Variants in NEDD9 observed in about 807,000 individuals in gnomAD.
NEDD9 encodes enhancer of filamentation 1.
NEDD9 carries 26 observed loss-of-function variants against 76.6 expected under a neutral mutation model. That is an observed-to-expected ratio of 0.34 (90% CI 0.25 to 0.47). NEDD9 has a LOEUF of 0.47. NEDD9 is among the 20% of genes least tolerant of loss of function. The probability of loss-of-function intolerance (pLI) is 1.00; values close to 1 mark genes in which losing one functional copy is unlikely to be tolerated. For synonymous variants in NEDD9, 392 were observed against 414.2 expected, an observed-to-expected ratio of 0.95 and a Z score of 0.65; for missense variants, 937 against 1,058.5, an observed-to-expected ratio of 0.89 and a Z score of 1.59.
chr6:11,220,388 A>T (rs1435875237), intron 1 of NEDD9, among the ~76,000 whole-genome samples: 1 of 152,138 alleles, frequency 6.6e-6, no homozygotes, highest in African/African-American at 2.4e-5. Context: ...AGCTTTGTGA[A>T]CTTTAGCTAT....
chr6:11,266,362 C>G (rs1760202117), intron 3 of NEDD9, among the ~76,000 whole-genome samples: 1 of 152,066 alleles, frequency 6.6e-6, no homozygotes. Flanking sequence ...CTAGTAGCAT[C>G]TGGGGATGCT....
intron 1 of NEDD9, among the ~76,000 whole-genome samples, chr6:11,368,539 C>G (rs1446163140): frequency 6.6e-6 from 1 of 152,208 alleles, no homozygotes; most frequent in Non-Finnish European, 1.5e-5. Flanking sequence ...CACCACGTAG[C>G]TCCATACGAA....
Position 11,209,970 on chromosome 6 carries a change from C to CTTTTTT in NEDD9, c.459+3305_459+3310dup, listed in dbSNP as rs752612102. 6.4e-3 allele frequency among the ~76,000 whole-genome samples: 835 copies of CTTTTTT among 131,122 alleles called. 9 individuals carry two copies. Among genetic ancestry groups the CTTTTTT allele is most frequent in the African/African-American group, 0.022 (788 of 36,396 alleles). The allele number at this position is 131,122 out of a possible 152,430, so 86.0% of individuals were successfully genotyped here. A position where few individuals can be genotyped will look rare whatever the true frequency, so the allele number is the denominator to read the frequency against. Reference sequence around the variant, plus strand: ...AGTGATAGAAGGCAGAATTCACTGTCTTTTTTTTTTCCTTAAGTGATTCAT... The same window carrying CTTTTTT: ...AGTGATAGAAGGCAGAATTCACTGTCTTTTTTTTTTTTTTTTCCTTAAGTGATTCAT... On this transcript the variant is annotated intron_variant, in intron 2 of 6. Coordinates refer to ENST00000379446, the MANE Select transcript of NEDD9 (RefSeq NM_006403.4).
At chr6:11,317,694 A>G (rs180796884) in intron 2 of NEDD9, among the ~76,000 whole-genome samples, 92 of 152,274 alleles carry the variant, frequency 6.0e-4, no homozygotes, top group African/African-American at 2.1e-3. Flanking sequence ...CTTTCTAGAA[A>G]CTTGGCTGTA....
At chr6:11,362,698 A>G (rs1045170730) in intron 1 of NEDD9, among the ~76,000 whole-genome samples, 2 of 152,174 alleles carry the variant, frequency 1.3e-5, no homozygotes, top group African/African-American at 4.8e-5. Context: ...ATAGTCACCT[A>G]CTCACTTGGG....
At position 11,185,256 on chromosome 6, in the gene NEDD9, G is replaced by C. The variant is rs1188534767; in HGVS notation, c.2411C>G (p.Thr804Ser). Reference sequence around the variant, plus strand: ...GTGCACCATTTCCTGCAGGGCCGTGGTGCTGGGGTAATGGAGGGCGGCCAT... The same window carrying C: ...GTGCACCATTTCCTGCAGGGCCGTGCTGCTGGGGTAATGGAGGGCGGCCAT... ...TKMAALHYPS[T>S]TALQEMVHQV... The change falls in exon 7 of 7, where the codon ACC (threonine) becomes AGC (serine). Residue 804 changes from threonine (T) to serine (S), a missense_variant. Physicochemically the swap from Thr to Ser is moderately conservative, Grantham distance 58. Coordinates refer to ENST00000379446, the MANE Select transcript of NEDD9 (RefSeq NM_006403.4). The C allele has an allele frequency of 6.2e-7, 1 of 1,614,164 alleles. No homozygotes were observed. Among genetic ancestry groups the C allele is most frequent in the Admixed American group, 1.7e-5 (1 of 60,014 alleles).
chr6:11,298,849 C>A (rs1410281448), intron 3 of NEDD9, among the ~76,000 whole-genome samples: 1 of 152,148 alleles, frequency 6.6e-6, no homozygotes, highest in Non-Finnish European at 1.5e-5. Flanking sequence ...GACCTTAAAA[C>A]ATCACAGTAA....
In NEDD9 at chr6:11,190,554, C is replaced by T. The variant is rs138373196; in HGVS notation, c.1315G>A (p.Gly439Arg). 53 of 1,614,046 alleles carry T rather than the reference C, an allele frequency of 3.3e-5. No homozygotes were observed. The highest frequency in any genetic ancestry group is 1.6e-4 in the Middle Eastern group (1 of 6,084). The change falls in exon 5 of 7, where the codon GGA (glycine) becomes AGA (arginine). Residue 439 changes from glycine (G) to arginine (R), a missense_variant. Physicochemically the swap from Gly to Arg is moderately radical, Grantham distance 125. Transcript: ENST00000379446. This position sits in a 1 kb window ranked among gnomAD's most constrained non-coding sequence, Gnocchi z 5.8. ...ALVTTDWRCY[G>R]YMERHINEIR... is the part of the protein sequence containing the mutation. Reference sequence around the variant, plus strand: ...TCATTGATGTGTCTTTCCATATATCCGTAACACCGCCAGTCGGTAGTGACC... The same window carrying T: ...TCATTGATGTGTCTTTCCATATATCTGTAACACCGCCAGTCGGTAGTGACC...
chr6:11,213,277 T>C lies in NEDD9; in HGVS notation c.459+4A>G. The C allele has an allele frequency of 6.3e-7, 1 of 1,583,168 alleles. No individual in the cohort carries two copies. The highest frequency in any genetic ancestry group is 2.3e-5 in the East Asian group (1 of 44,328). ...AACAAAAATTTAGTTAGTCATTTAC[T>C]CACCTTTTTACCCACGTGGGGCCCA... On this transcript the variant is annotated splice_donor_region_variant and intron_variant, in intron 2 of 6. Coordinates refer to ENST00000379446, the MANE Select transcript of NEDD9 (RefSeq NM_006403.4). The surrounding 1 kb of genome is among the most constrained non-coding windows in gnomAD (Gnocchi z 5.4).
rs961046275 is a variant in NEDD9, at chr6:11,228,515, G to C, written c.12+3989C>G. On this transcript the variant is annotated intron_variant, in intron 1 of 6. Coordinates refer to ENST00000379446, the MANE Select transcript of NEDD9 (RefSeq NM_006403.4). ...ACTGCACTCCAGCCTGGGCGACAGAGTGAGACTTGATCTCAAAAAAAGAAA... is the reference window on the plus strand; with the variant it reads ...ACTGCACTCCAGCCTGGGCGACAGACTGAGACTTGATCTCAAAAAAAGAAA... Among the ~76,000 whole-genome samples, 3 of 151,966 alleles carry C rather than the reference G, an allele frequency of 2.0e-5. No homozygotes were observed. The East Asian group carries it at 5.8e-4, about 29-fold the overall frequency.
At chr6:11,208,117 G>A (rs139976842) in intron 2 of NEDD9, among the ~76,000 whole-genome samples, 66 of 151,270 alleles carry the variant, frequency 4.4e-4, no homozygotes, top group Non-Finnish European at 7.7e-4. Context: ...GCCAGAAGTT[G>A]CAGTGAGCCG....
rs191733341 is a variant in NEDD9, at chr6:11,238,956, T to C, written c.13-25229A>G. Among the ~76,000 whole-genome samples the C allele has an allele frequency of 5.4e-4, 82 of 152,202 alleles. 2 individuals carry two copies. Among genetic ancestry groups the C allele is most frequent in the African/African-American group, 1.7e-3 (69 of 41,522 alleles). Reference sequence around the variant, plus strand: ...AGGAGGATTGCTTGAGCCCAGGAGTTTGAGACCAGCCTGGGCAATATAGCA... The same window carrying C: ...AGGAGGATTGCTTGAGCCCAGGAGTCTGAGACCAGCCTGGGCAATATAGCA... On this transcript the variant is annotated intron_variant, in intron 3 of 3. Coordinates refer to the NEDD9 transcript ENST00000397378.
intron 2 of NEDD9, among the ~76,000 whole-genome samples, chr6:11,319,767 T>A (rs1247966120): frequency 8.3e-6 from 1 of 120,034 alleles, no homozygotes; most frequent in East Asian, 3.3e-4. Context: ...CACACTAACA[T>A]GCACACTCAC....
chr6:11,258,132 T>A (rs1760041057), intron 3 of NEDD9, among the ~76,000 whole-genome samples: 1 of 152,178 alleles, frequency 6.6e-6, no homozygotes, highest in African/African-American at 2.4e-5. Flanking sequence ...AAACAGAAGG[T>A]AGAGAAACTC....
chr6:11,288,503 T>A (rs1427130654), intron 3 of NEDD9, among the ~76,000 whole-genome samples: 1 of 152,236 alleles, frequency 6.6e-6, no homozygotes, highest in Admixed American at 6.5e-5. Flanking sequence ...GATCTTAGAA[T>A]GCTGCTGTCA....
At chr6:11,346,268 G>A (rs1762361912) in intron 1 of NEDD9, among the ~76,000 whole-genome samples, 1 of 152,164 alleles carries the variant, frequency 6.6e-6, no homozygotes, top group South Asian at 2.1e-4. Context: ...ATGTTCCATG[G>A]AAGGGTTTTG....
intron 3 of NEDD9, among the ~76,000 whole-genome samples, chr6:11,242,323 C>A (rs1759724646): frequency 6.6e-6 from 1 of 152,264 alleles, no homozygotes; most frequent in South Asian, 2.1e-4. Context: ...GGCCTGGCAC[C>A]CTGTGATTTC....
intron 2 of NEDD9, among the ~76,000 whole-genome samples, chr6:11,321,873 G>T (rs56164686): frequency 0.04 from 6,151 of 152,294 alleles, 237 homozygotes; most frequent in South Asian, 0.1. Context: ...GAAATGCAAT[G>T]TTAGTGGGCT....
chr6:11,343,179 C>T (rs1762306387), intron 1 of NEDD9, among the ~76,000 whole-genome samples: 1 of 152,104 alleles, frequency 6.6e-6, no homozygotes, highest in African/African-American at 2.4e-5. Flanking sequence ...TCTGTAATCC[C>T]AGCACTTTGG....
Sources: gnomAD v4.1 joint callset for allele counts (sites outside exome capture counted in the v4.1 genomes callset) on GRCh38, gnomAD v4.1.1 for gene constraint, Gnocchi (gnomAD v3.1) non-coding constraint, MANE v1.5 for transcripts, NCBI Gene and HGNC (gene_info 2026-07-23, HGNC 2026-07-21) for gene names.